Variants in PRPH2 observed in about 807,000 individuals in gnomAD.
PRPH2 encodes the protein peripherin 2, also known as peripherin-2.
A neutral mutation model predicts 31.3 loss-of-function variants in PRPH2; 17 were observed. The observed-to-expected ratio is 0.54, with a 90% CI of 0.37 to 0.81. The LOEUF is 0.81. PRPH2 is among the 40% of genes least tolerant of loss of function. The probability of loss-of-function intolerance (pLI) is 0.00; values close to 1 mark genes in which losing one functional copy is unlikely to be tolerated. For missense variants in PRPH2, 430 were observed against 439.7 expected (o/e 0.98, Z 0.20); for synonymous variants, 165 against 184.4 (o/e 0.89, Z 0.85).
intron 2 of PRPH2, among the ~76,000 whole-genome samples, chr6:42,699,047 CT>C (rs759173553): frequency 0.012 from 444 of 38,546 alleles, 1 homozygote; most frequent in African/African-American, 0.026. Context: ...TGTGGTACTT[CT>C]TTTTTTTTTT....
intron 1 of PRPH2, 30 bp from the exon 2 acceptor site, chr6:42,704,641 G>A: frequency 6.2e-7 from 1 of 1,614,080 alleles, no homozygotes; most frequent in Non-Finnish European, 8.5e-7. Context: ...CTGGAGATGG[G>A]CTTCCCGGGC....
At chr6:42,715,035 C>G (rs982398081) in intron 1 of PRPH2, among the ~76,000 whole-genome samples, 3 of 151,754 alleles carry the variant, frequency 2.0e-5, no homozygotes, top group Non-Finnish European at 4.4e-5. Flanking sequence ...ATGGTGAAAC[C>G]CCATCTTCAC....
intron 1 of PRPH2, among the ~76,000 whole-genome samples, chr6:42,715,873 G>C (rs1761767963): frequency 6.6e-6 from 1 of 152,118 alleles, no homozygotes; most frequent in Admixed American, 6.6e-5. Flanking sequence ...TTTCTGGGGG[G>C]CCCCAAGGAG....
At chr6:42,717,335 A>C (rs1761807546) in intron 1 of PRPH2, among the ~76,000 whole-genome samples, 1 of 151,754 alleles carries the variant, frequency 6.6e-6, no homozygotes, top group Non-Finnish European at 1.5e-5. Flanking sequence ...CAGGAGAATC[A>C]ATTGAACCAG....
At position 42,722,253 on chromosome 6, in the gene PRPH2, C is replaced by T. The variant is rs1476970688; in HGVS notation, c.82G>A (p.Val28Met). ...CTGAAGATGATGATGCCAGCCAACA[C>T]GGAGAACCAGTTCATGAGCCAGAGC... The part of the protein sequence containing the change: ...QGLWLMNWFS[V>M]LAGIIIFSLG... Residue 28 changes from valine (V) to methionine (M), a missense_variant, in exon 1 of 3, where the codon GTG becomes ATG. Val to Met is a conservative substitution (Grantham distance 21). Transcript: ENST00000230381. The surrounding 1 kb of genome is among the most constrained non-coding windows in gnomAD (Gnocchi z 4.4). 6.2e-6 allele frequency: 10 copies of T among 1,614,160 alleles called. No individual in the cohort carries two copies. The highest frequency in any genetic ancestry group is 1.1e-5 in the South Asian group (1 of 91,084).
intron 2 of PRPH2, among the ~76,000 whole-genome samples, chr6:42,700,355 G>T (rs996728060): frequency 1.5e-4 from 23 of 152,140 alleles, no homozygotes; most frequent in African/African-American, 5.6e-4. Context: ...TCTTTGTATG[G>T]CATAGCAAAC....
chr6:42,713,919 C>CAAAAAA (rs55805454), intron 1 of PRPH2, among the ~76,000 whole-genome samples: 6 of 38,134 alleles, frequency 1.6e-4, no homozygotes, highest in African/African-American at 2.0e-4. Flanking sequence ...GACTCCATCT[C>CAAAAAA]AAAAAAAAAA....
At chr6:42,708,487 G>A (rs1204768399) in intron 1 of PRPH2, among the ~76,000 whole-genome samples, 1 of 152,232 alleles carries the variant, frequency 6.6e-6, no homozygotes, top group Admixed American at 6.5e-5. Flanking sequence ...CTTCAGCTCG[G>A]GCCTCCCGCT....
In PRPH2 at chr6:42,704,596, G is replaced by A. The variant is rs1419638211; in HGVS notation, c.597C>T (p.Asn199=). 47 of 1,614,072 alleles carry A rather than the reference G, an allele frequency of 2.9e-5. No homozygotes were observed. Among genetic ancestry groups the A allele is most frequent in the Non-Finnish European group, 3.9e-5 (46 of 1,180,046 alleles). ...SKEVKDRIKS[N]VDGRYLVDGV... is the part of the protein sequence containing the mutation. The stretch of plus-strand genomic sequence containing the variant: ...CGTCCACCAGGTACCGCCCATCCAC[G>A]TTGCTCTTGATTCGACTTAAAGGGA... The change falls in exon 2 of 3, where the codon AAC becomes AAT. Residue 199 remains asparagine (N), a synonymous_variant. Coordinates refer to ENST00000230381, the MANE Select transcript of PRPH2 (RefSeq NM_000322.5).
At position 42,697,272 on chromosome 6, in the gene PRPH2, G is replaced by A. The variant is rs903043515; in HGVS notation, c.*1023C>T. Reference sequence around the variant, plus strand: ...TTGATGCAGAAGCATTCCAGAAATAGTGTTTTTCAAGATGGGTATCTGGGG... The same window carrying A: ...TTGATGCAGAAGCATTCCAGAAATAATGTTTTTCAAGATGGGTATCTGGGG... On this transcript the variant is annotated 3_prime_UTR_variant, in exon 3 of 3. Coordinates refer to ENST00000230381, the MANE Select transcript of PRPH2 (RefSeq NM_000322.5). 1.3e-5 allele frequency: 2 copies of A among 152,220 alleles called. No individual in the cohort carries two copies. Among genetic ancestry groups the A allele is most frequent in the African/African-American group, 4.8e-5 (2 of 41,454 alleles). 9.4% of individuals were successfully genotyped at this position (152,220 alleles called of 1,614,324 possible).
intron 1 of PRPH2, among the ~76,000 whole-genome samples, chr6:42,706,605 A>AG (rs1454734944): frequency 9.6e-6 from 1 of 104,154 alleles, no homozygotes; most frequent in Non-Finnish European, 2.0e-5. Flanking sequence ...AAAGAAAGAA[A>AG]GGAAAAAGAA....
rs892751055 is a variant in PRPH2 at position 42,704,383 on chromosome 6, G to T, written c.810C>A (p.Leu270=). 1 of 1,609,314 alleles carries T rather than the reference G, an allele frequency of 6.2e-7. No homozygotes were observed. Among genetic ancestry groups the T allele is most frequent in the Admixed American group, 1.7e-5 (1 of 59,176 alleles). The change falls in exon 2 of 3, where the codon CTC becomes CTA. Residue 270 remains leucine, a synonymous_variant. Transcript: ENST00000230381. ...GGCCTACCTCGAAGAGCCAAATGAG[G>T]AGCGTGACGACACCCATGGAGTTCA... is the stretch of plus-strand genomic sequence containing the variant. ...SLMNSMGVVT[L]LIWLFEVTIT...
chr6:42,711,837 AGGCTGGGCCTTCCT>A, intron 1 of PRPH2: 2 of 985,438 alleles, frequency 2.0e-6, no homozygotes, highest in South Asian at 9.4e-5. Context: ...TGGGGACCCC[AGGCTGGGCCTTCCT>A]GGCTGGTAGT....
chr6:42,700,250 G>A (rs1349360210), intron 2 of PRPH2, among the ~76,000 whole-genome samples: 1 of 152,206 alleles, frequency 6.6e-6, no homozygotes, highest in Non-Finnish European at 1.5e-5. Flanking sequence ...ACAGGCGTGA[G>A]CCACCACACC....
intron 1 of PRPH2, among the ~76,000 whole-genome samples, chr6:42,711,210 G>A (rs145122825): frequency 6.6e-6 from 1 of 152,196 alleles, no homozygotes. Flanking sequence ...GGGTTCCTGA[G>A]GAAAAGGATG....
intron 1 of PRPH2, among the ~76,000 whole-genome samples, chr6:42,705,787 C>T (rs1800152677): frequency 6.7e-6 from 1 of 149,086 alleles, no homozygotes; most frequent in East Asian, 2.0e-4. Flanking sequence ...GGTGAAACCC[C>T]GTCTCTACTA....
At chr6:42,716,823 T>A (rs1354398222) in intron 1 of PRPH2, among the ~76,000 whole-genome samples, 1 of 150,928 alleles carries the variant, frequency 6.6e-6, no homozygotes, top group Non-Finnish European at 1.5e-5. Flanking sequence ...TTTCACCAAG[T>A]TGGTCAGGCT....
At chr6:42,704,183 A>G (rs1007227657) in intron 2 of PRPH2, among the ~76,000 whole-genome samples, 182 bp downstream of exon 2, 1 of 152,030 alleles carries the variant, frequency 6.6e-6, no homozygotes, top group African/African-American at 2.4e-5. Context: ...AAATAAATAA[A>G]TAAATACAAA....
chr6:42,709,157 C>T (rs1048407045), intron 1 of PRPH2, among the ~76,000 whole-genome samples: 4 of 151,776 alleles, frequency 2.6e-5, no homozygotes, highest in East Asian at 3.9e-4. Context: ...GGTGAAACCC[C>T]GTCTCTACTA....
Sources: gnomAD v4.1 joint callset for allele counts (sites outside exome capture counted in the v4.1 genomes callset) on GRCh38, gnomAD v4.1.1 for gene constraint, Gnocchi (gnomAD v3.1) non-coding constraint, MANE v1.5 for transcripts, NCBI Gene and HGNC (gene_info 2026-07-23, HGNC 2026-07-21) for gene names.